MARCHF8: variants seen among roughly 807,000 people sequenced by gnomAD.
The protein encoded by MARCHF8 is membrane associated ring-CH-type finger 8.
A neutral mutation model predicts 51.6 loss-of-function variants in MARCHF8; 40 were observed. The ratio of observed to expected loss-of-function variants is 0.77; its 90% CI spans 0.60 to 1.01. The LOEUF is 1.01. MARCHF8 is among the 50% of genes least tolerant of loss of function. MARCHF8 has a pLI of 0.00. For synonymous variants in MARCHF8, 263 were observed against 280.3 expected (o/e 0.94, Z 0.62); for missense variants, 685 against 708.6 (o/e 0.97, Z 0.38).
intron 1 of MARCHF8, among the ~76,000 whole-genome samples, chr10:45,578,085 A>C (rs1422887124): frequency 6.6e-6 from 1 of 152,226 alleles, no homozygotes; most frequent in Non-Finnish European, 1.5e-5. Context: ...CACACAAACA[A>C]ACATATCCTA....
At chr10:45,579,139 T>C (rs1266360772) in intron 1 of MARCHF8, among the ~76,000 whole-genome samples, 2 of 152,230 alleles carry the variant, frequency 1.3e-5, no homozygotes, top group Non-Finnish European at 2.9e-5. Context: ...GAAATACATG[T>C]TGAAGTATTC....
At chr10:45,496,793 C>T (rs555534672) in intron 2 of MARCHF8, among the ~76,000 whole-genome samples, 141 of 151,730 alleles carry the variant, frequency 9.3e-4, no homozygotes, top group Non-Finnish European at 1.5e-3. Context: ...ATATAGTAAA[C>T]CCTCAACCAT....
At chr10:45,467,614 G>A (rs1227727078) in intron 3 of MARCHF8, among the ~76,000 whole-genome samples, 1 of 152,132 alleles carries the variant, frequency 6.6e-6, no homozygotes, top group Non-Finnish European at 1.5e-5. Context: ...TCAGATTCTG[G>A]AAGCCAGTGT....
intron 1 of MARCHF8, among the ~76,000 whole-genome samples, chr10:45,565,753 T>C (rs914984277): frequency 2.0e-5 from 3 of 152,204 alleles, no homozygotes; most frequent in Non-Finnish European, 2.9e-5. Flanking sequence ...AAAGTCATCA[T>C]GAACACTGAG....
intron 2 of MARCHF8, among the ~76,000 whole-genome samples, chr10:45,503,536 C>CAAAT (rs74794115): frequency 0.052 from 7,514 of 144,906 alleles, 211 homozygotes; most frequent in Middle Eastern, 0.069. Flanking sequence ...GACTCCGTCT[C>CAAAT]AAATAAATAA....
At chr10:45,568,564 C>G (rs531431304) in intron 1 of MARCHF8, among the ~76,000 whole-genome samples, 2 of 152,016 alleles carry the variant, frequency 1.3e-5, no homozygotes, top group South Asian at 4.2e-4. Flanking sequence ...ACTAAAAATA[C>G]AAAAATTAGC....
chr10:45,533,923 C>T (rs1188570542), intron 1 of MARCHF8, among the ~76,000 whole-genome samples: 1 of 152,202 alleles, frequency 6.6e-6, no homozygotes, highest in Non-Finnish European at 1.5e-5. Context: ...GTGGCTCATG[C>T]CTGTAATCCC....
intron 1 of MARCHF8, among the ~76,000 whole-genome samples, chr10:45,548,219 T>C (rs548515559): frequency 6.6e-6 from 1 of 152,314 alleles, no homozygotes; most frequent in African/African-American, 2.4e-5. Context: ...GCTGAAGTCC[T>C]GTCCAAATGC....
chr10:45,557,149 G>T (rs553750474), intron 1 of MARCHF8, among the ~76,000 whole-genome samples: 8 of 130,296 alleles, frequency 6.1e-5, no homozygotes, highest in African/African-American at 2.0e-4. Flanking sequence ...TTTTTGAGAC[G>T]GGAGTTTCGC....
intron 1 of MARCHF8, among the ~76,000 whole-genome samples, chr10:45,576,007 C>G (rs1397299088): frequency 6.6e-6 from 1 of 152,176 alleles, no homozygotes; most frequent in Non-Finnish European, 1.5e-5. Flanking sequence ...GGACTCAGAC[C>G]GCCTGCACCC....
chr10:45,560,258 C>T (rs762801270), intron 1 of MARCHF8, among the ~76,000 whole-genome samples: 25 of 152,222 alleles, frequency 1.6e-4, no homozygotes, highest in African/African-American at 4.8e-4. Context: ...AATTGCAGAA[C>T]GATGCAAACC....
At chr10:45,511,409 C>CTCCCTCTCCCTCTCTTT (rs2043500320) in intron 2 of MARCHF8, among the ~76,000 whole-genome samples, 3 of 151,938 alleles carry the variant, frequency 2.0e-5, no homozygotes, top group African/African-American at 7.3e-5. Flanking sequence ...CTCCCCACGG[C>CTCCCTCTCCCTCTCTTT]CCACGGTCTC....
rs959698361 is a variant in MARCHF8 at position 45,489,363 on chromosome 10, C to A, written c.153+4G>T. On this transcript the variant is annotated splice_donor_region_variant and intron_variant, in intron 3 of 7. Coordinates refer to ENST00000453424, the MANE Select transcript of MARCHF8 (RefSeq NM_001282866.2). ...ATAAATAACATTTTTCAGTGGCACT[C>A]TACCTTAGAAATGTTGCTTGAATGA... is the stretch of plus-strand genomic sequence containing the variant. The A allele has an allele frequency of 6.2e-7, 1 of 1,611,036 alleles. No homozygotes were observed.
intron 1 of MARCHF8, among the ~76,000 whole-genome samples, chr10:45,562,447 A>T (rs1313199145): frequency 1.3e-5 from 2 of 152,188 alleles, no homozygotes; most frequent in Non-Finnish European, 2.9e-5. Context: ...AGACTATAGA[A>T]TTCTCACCAG....
chr10:45,522,765 CA>C (rs2043729212), intron 2 of MARCHF8, among the ~76,000 whole-genome samples: 1 of 152,124 alleles, frequency 6.6e-6, no homozygotes, highest in Admixed American at 6.5e-5. Flanking sequence ...TCTTCAGAAA[CA>C]AACATGAAAA....
chr10:45,492,293 TCTTC>T (rs1384184359), intron 2 of MARCHF8, among the ~76,000 whole-genome samples: 1 of 151,682 alleles, frequency 6.6e-6, no homozygotes, highest in Non-Finnish European at 1.5e-5. Flanking sequence ...TTCTTCTTCT[TCTTC>T]TTTTTTTTTT....
chr10:45,480,032 G>A (rs995810949), intron 3 of MARCHF8, among the ~76,000 whole-genome samples: 3 of 152,164 alleles, frequency 2.0e-5, no homozygotes, highest in Non-Finnish European at 4.4e-5. Context: ...AGGCTGAGGT[G>A]GTCTCAGATG....
chr10:45,505,383 G>A (rs2043361232), intron 2 of MARCHF8, among the ~76,000 whole-genome samples: 2 of 152,198 alleles, frequency 1.3e-5, no homozygotes, highest in Admixed American at 1.3e-4. Flanking sequence ...TCACATATTA[G>A]GGTCTGTTAC....
At chr10:45,539,441 T>C (rs1377169420), upstream of MARCHF8, among the ~76,000 whole-genome samples, 2 of 152,070 alleles carry the variant, frequency 1.3e-5, no homozygotes, top group Non-Finnish European at 2.9e-5. Context: ...ATTCAAAAGC[T>C]AGCAGAAGGC....
Sources: gnomAD v4.1 joint callset for allele counts (sites outside exome capture counted in the v4.1 genomes callset) on GRCh38, gnomAD v4.1.1 for gene constraint, MANE v1.5 for transcripts, NCBI Gene and HGNC (gene_info 2026-07-23, HGNC 2026-07-21) for gene names.